MGRN1: variants seen among roughly 807,000 people sequenced by gnomAD.
MGRN1 encodes the protein mahogunin ring finger 1, also known as E3 ubiquitin-protein ligase MGRN1.
A neutral mutation model predicts 69.2 loss-of-function variants in MGRN1; 29 were observed. The ratio of observed to expected loss-of-function variants is 0.42; its 90% confidence interval spans 0.31 to 0.57. MGRN1 has a LOEUF of 0.57. Among genes scored for constraint, MGRN1 ranks in the 20% least tolerant of loss-of-function variants. MGRN1 has a pLI of 0.15. For missense variants in MGRN1, 998 were observed against 796.2 expected, an observed-to-expected ratio of 1.25 and a Z score of -3.05; for synonymous variants, 470 against 344.2, an observed-to-expected ratio of 1.37 and a Z score of -4.04.
chr16:4,637,086 G>A (rs556765622), intron 1 of MGRN1, among the ~76,000 whole-genome samples: 5 of 122,462 alleles, frequency 4.1e-5, no homozygotes, highest in Admixed American at 3.8e-4. Context: ...GCCACTGCAC[G>A]CCAGCCCGGG....
At chr16:4,625,094 C>T (rs754884056) in intron 1 of MGRN1, 46 bp downstream of exon 1, 1 of 1,478,214 alleles carries the variant, frequency 6.8e-7, no homozygotes. Context: ...CGCGCTGGAA[C>T]GCGGACCCGG....
At chr16:4,655,517 G>C (rs895676606) in intron 4 of MGRN1, among the ~76,000 whole-genome samples, 25 of 151,904 alleles carry the variant, frequency 1.6e-4, no homozygotes, top group African/African-American at 5.3e-4. Context: ...CCTGGTACGA[G>C]GCCTGCTTCC....
intron 5 of MGRN1, among the ~76,000 whole-genome samples, chr16:4,661,441 G>A (rs534562427): frequency 1.3e-5 from 2 of 152,376 alleles, no homozygotes; most frequent in South Asian, 4.1e-4. Context: ...GGGCTTCAGG[G>A]TGCTGGTGTT....
At chr16:4,650,238 G>T in intron 1 of MGRN1, 127 bp from the exon 2 acceptor site, 1 of 669,484 alleles carries the variant, frequency 1.5e-6, no homozygotes. Context: ...GGTGGGCGGA[G>T]CTTGCAGTGA....
Position 4,682,872 on chromosome 16 carries a change from C to G in MGRN1, c.1408C>G (p.Leu470Val), listed in dbSNP as rs780002446. Residue 470 changes from leucine (L) to valine (V), a missense_variant, in exon 14 of 17, where the codon CTC becomes GTC. Leu to Val is a conservative substitution (Grantham distance 32). Transcript: ENST00000262370. ...CATCCACGAAGAGGATGAGGAGAAG[C>G]TCTCCGAGGACGTGGACGCCCCTCC... is the stretch of plus-strand genomic sequence containing the variant. The part of the protein sequence containing the change: ...SPIHEEDEEK[L>V]SEDVDAPPPL... 1 of 1,609,816 alleles carries G rather than the reference C, an allele frequency of 6.2e-7. No homozygotes were observed. Among genetic ancestry groups the G allele is most frequent in the South Asian group, 1.1e-5 (1 of 90,836 alleles).
At chr16:4,625,833 G>A (rs980851869) in intron 1 of MGRN1, among the ~76,000 whole-genome samples, 1 of 152,228 alleles carries the variant, frequency 6.6e-6, no homozygotes, top group Non-Finnish European at 1.5e-5. Flanking sequence ...TCCTCGTGGG[G>A]TTCTTTGTGG....
intron 13 of MGRN1, 49 bp downstream of exon 13, chr16:4,681,825 G>C (rs778540042): frequency 1.3e-6 from 2 of 1,544,960 alleles, no homozygotes; most frequent in Admixed American, 1.9e-5. Flanking sequence ...GGTGGCGCGC[G>C]TGCGGAGCGG....
intron 10 of MGRN1, among the ~76,000 whole-genome samples, chr16:4,675,973 T>A (rs1467589712): frequency 6.6e-6 from 1 of 152,220 alleles, no homozygotes; most frequent in African/African-American, 2.4e-5. Context: ...GATCCTGGGA[T>A]CCCTGGCCTG....
At chr16:4,663,399 T>C (rs1018114231) in intron 5 of MGRN1, among the ~76,000 whole-genome samples, 30 of 121,490 alleles carry the variant, frequency 2.5e-4, no homozygotes, top group African/African-American at 7.9e-4. Context: ...TTTACACCTT[T>C]ATTGTGTTAT....
intron 1 of MGRN1, among the ~76,000 whole-genome samples, chr16:4,635,417 T>C (rs1898229604): frequency 6.6e-6 from 1 of 152,058 alleles, no homozygotes; most frequent in Non-Finnish European, 1.5e-5. Context: ...ACCCTGTCTC[T>C]AAATAAATTA....
At chr16:4,650,683 C>A in intron 2 of MGRN1, 200 bp downstream of exon 2, 1 of 445,854 alleles carries the variant, frequency 2.2e-6, no homozygotes, top group Non-Finnish European at 4.0e-6. Context: ...CCCTAGAGGC[C>A]AGATGGCCAG....
At chr16:4,630,566 G>T (rs1159538752) in intron 1 of MGRN1, among the ~76,000 whole-genome samples, 1 of 151,542 alleles carries the variant, frequency 6.6e-6, no homozygotes, top group East Asian at 2.0e-4. Flanking sequence ...TTCTACCTCA[G>T]CCTACTGAGT....
intron 5 of MGRN1, 38 bp from the exon 6 acceptor site, chr16:4,664,671 G>C: frequency 6.2e-7 from 1 of 1,610,814 alleles, no homozygotes; most frequent in South Asian, 1.1e-5. Context: ...AGGCTTGGCT[G>C]TGTGGGTCCT....
At chr16:4,637,480 A>G (rs1310367908) in intron 1 of MGRN1, among the ~76,000 whole-genome samples, 1 of 152,174 alleles carries the variant, frequency 6.6e-6, no homozygotes. Context: ...ACTGGTTTAT[A>G]GGAGCTCTTT....
At chr16:4,666,580 G>C (rs1346419740) in intron 7 of MGRN1, among the ~76,000 whole-genome samples, 2 of 152,198 alleles carry the variant, frequency 1.3e-5, no homozygotes, top group African/African-American at 4.8e-5. Flanking sequence ...CCTTCGCCCT[G>C]GGGTGTGCAG....
intron 12 of MGRN1, 87 bp downstream of exon 12, chr16:4,680,184 A>T: frequency 7.5e-7 from 1 of 1,325,860 alleles, no homozygotes; most frequent in South Asian, 1.2e-5. Flanking sequence ...TTTCCGCCCC[A>T]GGCTAGTGTC....
At position 4,689,487 on chromosome 16, in the gene MGRN1, G is replaced by C. The variant is rs759891068; in HGVS notation, c.*579G>C. 1 of 152,920 alleles carries C rather than the reference G, an allele frequency of 6.5e-6. No individual in the cohort carries two copies. The highest frequency in any genetic ancestry group is 1.5e-5 in the Non-Finnish European group (1 of 68,368). The allele number at this position is 152,920 out of a possible 1,614,324, so 9.5% of individuals were successfully genotyped here. ...TGGTGCGTCTGCGCTGGGGCCCTCA[G>C]TGCTCGGGGCCTTGGGGTGCATGGG... On this transcript the variant is annotated 3_prime_UTR_variant, in exon 17 of 17. Coordinates refer to ENST00000262370, the MANE Select transcript of MGRN1 (RefSeq NM_015246.4).
Position 4,682,904 on chromosome 16 carries a change from G to A in MGRN1, c.1440G>A (p.Leu480=). The A allele has an allele frequency of 6.2e-7, 1 of 1,608,804 alleles. No homozygotes were observed. Among genetic ancestry groups the A allele is most frequent in the South Asian group, 1.1e-5 (1 of 90,664 alleles). Residue 480 remains leucine (L), a synonymous_variant, in exon 14 of 17, where the codon CTG becomes CTA. Coordinates refer to ENST00000262370, the MANE Select transcript of MGRN1 (RefSeq NM_015246.4). ...LSEDVDAPPP[L]GGAELALRES... ...AGGACGTGGACGCCCCTCCCCCACT[G>A]GGTGGCGCAGAGCTGGCCCTGCGGG...
At chr16:4,671,274 G>T (rs1225922112) in intron 8 of MGRN1, 117 bp from the exon 9 acceptor site, 5 of 969,910 alleles carry the variant, frequency 5.2e-6, no homozygotes, top group African/African-American at 1.6e-5. Flanking sequence ...GGTTGAGCTG[G>T]ACTGACCCCT....
Sources: gnomAD v4.1 joint callset for allele counts (sites outside exome capture counted in the v4.1 genomes callset) on GRCh38, gnomAD v4.1.1 for gene constraint, MANE v1.5 for transcripts, NCBI Gene and HGNC (gene_info 2026-07-23, HGNC 2026-07-21) for gene names.